TBL2: variants seen among roughly 807,000 people sequenced by gnomAD.
The protein encoded by TBL2 is transducin beta-like protein 2.
TBL2 carries 33 observed loss-of-function variants against 41.8 expected under a neutral mutation model. The ratio of observed to expected loss-of-function variants is 0.79; its 90% CI spans 0.60 to 1.06. The LOEUF (loss-of-function observed/expected upper bound fraction) is 1.06. Among genes scored for constraint, TBL2 ranks in the 50% least tolerant of loss-of-function variants. The pLI is 0.00. For synonymous variants in TBL2, 239 were observed against 241.7 expected, an observed-to-expected ratio of 0.99 and a Z score of 0.10; for missense variants, 522 against 603.8, an observed-to-expected ratio of 0.86 and a Z score of 1.42.
rs781949744 is a variant in TBL2, at chr7:73,570,841, A to G, written c.1010T>C (p.Leu337Pro). 1.2e-6 allele frequency: 2 copies of G among 1,613,882 alleles called. No individual in the cohort carries two copies. Among genetic ancestry groups the G allele is most frequent in the Non-Finnish European group, 1.7e-6 (2 of 1,180,046 alleles). ...EEAAGAAPCR[L>P]ALSPNAQVLA... is the part of the protein sequence containing the mutation. ...GACCTGGGCGTTGGGGGAGAGGGCC[A>G]GGCGGCACGGCGCGGCACCCGCCGC... The change falls in exon 7 of 7, where the codon CTG becomes CCG. Residue 337 changes from leucine to proline, a missense_variant. Physicochemically the swap from Leu to Pro is moderately conservative, Grantham distance 98. Transcript: ENST00000305632.
rs1422552814 is a variant in TBL2 at position 73,569,840 on chromosome 7, T to A, written c.*667A>T. ...CAGAAAACTTTGCCTTCCCAAGGAA[T>A]GTGTTTCTAATTTGGTTTCAAAGCA... On this transcript the variant is annotated 3_prime_UTR_variant, in exon 7 of 7. Transcript: ENST00000305632. 5.9e-5 allele frequency: 9 copies of A among 152,240 alleles called. No homozygotes were observed. The highest frequency in any genetic ancestry group is 2.2e-4 in the African/African-American group (9 of 41,460). The allele number at this position is 152,240 out of a possible 1,614,324, so 9.4% of individuals were successfully genotyped here. A position where few individuals can be genotyped will look rare whatever the true frequency, so the allele number is the denominator to read the frequency against.
At chr7:73,573,618 C>T in intron 3 of TBL2, 147 bp from the exon 4 acceptor site, 1 of 1,092,232 alleles carries the variant, frequency 9.2e-7, no homozygotes, top group South Asian at 1.6e-5. Context: ...TTCCAAATCT[C>T]ATAAAACTCC....
chr7:73,571,200 G>A lies in TBL2; in HGVS notation c.867C>T (p.Asn289=), dbSNP rs140511162. ...GCGGATTCACTCACCTCCGTGAGTCGTTGGAGAAAGCAAACGAGTGCACAG... is the reference window on the plus strand; with the variant it reads ...GCGGATTCACTCACCTCCGTGAGTCATTGGAGAAAGCAAACGAGTGCACAG... ...SAAVHSFAFS[N]DSRRMASVSK... The change falls in exon 6 of 7, where the codon AAC becomes AAT. Residue 289 remains asparagine (N), a synonymous_variant. Transcript: ENST00000305632. 1.1e-5 allele frequency: 17 copies of A among 1,614,116 alleles called. No homozygotes were observed. The East Asian group carries it at 1.8e-4, about 17-fold the overall frequency.
intron 1 of TBL2, chr7:73,574,803 C>A (rs1324314829): frequency 3.8e-5 from 19 of 506,072 alleles, no homozygotes; most frequent in Middle Eastern, 3.0e-4. Flanking sequence ...CAGAGCAAGA[C>A]CCTGTCTCAA....
Position 73,573,600 on chromosome 7 carries a change from G to A in TBL2, c.447-129C>T. On this transcript the variant is annotated intron_variant, in intron 3 of 6. Transcript: ENST00000305632. ...CCCACAGTCTAGCCTTAAAACTTAA[G>A]CCCCTGGTTCCAAATCTCATAAAAC... The A allele has an allele frequency of 6.3e-6, 8 of 1,261,430 alleles. No homozygotes were observed. In the South Asian group the frequency reaches 1.2e-4, roughly 19 times the overall value. 78.1% of individuals were successfully genotyped at this position (1,261,430 alleles called of 1,614,324 possible). A position where few individuals can be genotyped will look rare whatever the true frequency, so the allele number is the denominator to read the frequency against.
rs145933469 is a variant in TBL2 at position 73,574,474 on chromosome 7, C to A, written c.170G>T (p.Gly57Val). The A allele has an allele frequency of 3.1e-6, 5 of 1,614,178 alleles. No homozygotes were observed. In the African/African-American group the frequency reaches 5.3e-5, roughly 17 times the overall value. The change falls in exon 2 of 7, where the codon GGA (glycine) becomes GTA (valine). Residue 57 changes from glycine to valine, a missense_variant. By Grantham distance (109) the Gly-to-Val change is moderately radical (BLOSUM62 -3). Transcript: ENST00000305632. The stretch of plus-strand genomic sequence containing the variant: ...CTGATATTGTTTCTGCTTCTTGGAT[C>A]CCGAAGATTTGTCAGGTGGAAATCC... ...ANGFPPDKSS[G>V]SKKQKQYQRI... is the part of the protein sequence containing the mutation.
At chr7:73,575,558 G>A (rs1354416375) in intron 1 of TBL2, among the ~76,000 whole-genome samples, 1 of 152,182 alleles carries the variant, frequency 6.6e-6, no homozygotes, top group East Asian at 1.9e-4. Flanking sequence ...CTCCCAAAGT[G>A]CTAGGATTAC....
chr7:73,576,863 T>G, intron 1 of TBL2: 1 of 374,220 alleles, frequency 2.7e-6, no homozygotes, highest in Non-Finnish European at 5.3e-6. Context: ...CTTGGCCTTC[T>G]GGCAAACTCT....
In TBL2 at chr7:73,574,925, A is replaced by G. The variant is rs1436041261; in HGVS notation, c.131-412T>C. 42 of 343,944 alleles carry G rather than the reference A, an allele frequency of 1.2e-4. 1 individual carries two copies. The Admixed American group carries it at 1.7e-3, about 14-fold the overall frequency. 21.3% of individuals were successfully genotyped at this position (343,944 alleles called of 1,614,324 possible). ...TGAGGAGGCTGTTTACAGTAAGTCC[A>G]CAGAGCACCTTCATGTAGAGTGGAA... On this transcript the variant is annotated intron_variant, in intron 1 of 6. Coordinates refer to ENST00000305632, the MANE Select transcript of TBL2 (RefSeq NM_012453.4).
At chr7:73,574,156 G>T (rs782002944) in intron 2 of TBL2, 34 bp from the exon 3 acceptor site, 23 of 1,605,908 alleles carry the variant, frequency 1.4e-5, no homozygotes, top group Non-Finnish European at 1.9e-5. Context: ...GTCAATAGGA[G>T]CTCCTGGGGG....
At chr7:73,574,746 C>A in intron 1 of TBL2, 2 of 599,648 alleles carry the variant, frequency 3.3e-6, no homozygotes, top group South Asian at 3.6e-5. Flanking sequence ...GAGTTCGAGG[C>A]TGCAGTAAGC....
chr7:73,574,854 G>T, intron 1 of TBL2: 1 of 393,518 alleles, frequency 2.5e-6, no homozygotes, highest in Non-Finnish European at 4.9e-6. Context: ...AGAGGCTTTG[G>T]AATCAGACCT....
chr7:73,573,117 C>T (rs1793073502), intron 4 of TBL2, 147 bp from the exon 5 acceptor site: 2 of 1,392,424 alleles, frequency 1.4e-6, no homozygotes, highest in Admixed American at 2.2e-5. Flanking sequence ...CTGCTGAAGA[C>T]TGTGGCCCTT....
Position 73,571,256 on chromosome 7 carries a change from G to A in TBL2, c.811C>T (p.Arg271Ter), listed in dbSNP as rs1554587494. 3.7e-6 allele frequency: 6 copies of A among 1,614,166 alleles called. No homozygotes were observed. The highest frequency in any genetic ancestry group is 2.7e-5 in the African/African-American group (2 of 75,056). The change falls in exon 6 of 7, where the codon CGA becomes TGA. Residue 271 changes from arginine (R) to a stop codon, truncating the protein, a stop_gained. Transcript: ENST00000305632. LOFTEE classifies it high-confidence loss of function. ...GKKGEFQEVV[R>*]AFELKGHSAA... ...GAGTGGCCCTTTAGTTCGAAGGCTCGCACCACCTCCTGGAACTCCCCCTTC... is the reference window on the plus strand; with the variant it reads ...GAGTGGCCCTTTAGTTCGAAGGCTCACACCACCTCCTGGAACTCCCCCTTC...
Position 73,573,479 on chromosome 7 carries a change from C to A in TBL2, c.447-8G>T, listed in dbSNP as rs1446191605. 1.2e-6 allele frequency: 2 copies of A among 1,613,748 alleles called. No homozygotes were observed. Among genetic ancestry groups the A allele is most frequent in the Non-Finnish European group, 1.7e-6 (2 of 1,179,970 alleles). ...AGCCAGACGATGAAGGCTCTAGAGA[C>A]AGGCAGCAGACAAGTCACGCTCTCA... On this transcript the variant is annotated splice_polypyrimidine_tract_variant and splice_region_variant and intron_variant, in intron 3 of 6. Coordinates refer to ENST00000305632, the MANE Select transcript of TBL2 (RefSeq NM_012453.4).
intron 5 of TBL2, among the ~76,000 whole-genome samples, chr7:73,572,406 G>A (rs575931847): frequency 2.4e-4 from 37 of 152,180 alleles, no homozygotes; most frequent in African/African-American, 8.4e-4. Context: ...CTGTGATTGC[G>A]CCACTGCACT....
At chr7:73,572,575 C>T (rs782574876) in intron 5 of TBL2, among the ~76,000 whole-genome samples, 1 of 152,172 alleles carries the variant, frequency 6.6e-6, no homozygotes, top group Non-Finnish European at 1.5e-5. Flanking sequence ...GAGCTATGAT[C>T]GCACCACTGT....
rs1554588483 is a variant in TBL2 at position 73,574,437 on chromosome 7, C to T, written c.207G>A (p.Lys69=). The T allele has an allele frequency of 6.2e-7, 1 of 1,614,060 alleles. No individual in the cohort carries two copies. Among genetic ancestry groups the T allele is most frequent in the African/African-American group, 1.3e-5 (1 of 74,934 alleles). The change falls in exon 2 of 7, where the codon AAG becomes AAA. Residue 69 remains lysine (K), a synonymous_variant. Coordinates refer to ENST00000305632, the MANE Select transcript of TBL2 (RefSeq NM_012453.4). ...KKQKQYQRIR[K]EKPQQHNFTH... ...TGAAGTTGTGTTGTTGAGGCTTCTC[C>T]TTCCGAATCCGCTGATATTGTTTCT...
Position 73,570,797 on chromosome 7 carries a change from T to C in TBL2, c.1054A>G (p.Ser352Gly). Reference protein sequence around the residue: ...NAQVLALASGSSIHLYNTRRG... With the variant: ...NAQVLALASGGSIHLYNTRRG... Reference sequence around the variant, plus strand: ...CGGGTATTGTAGAGATGAATACTACTGCCACTGGCCAAGGCCAAGACCTGG... The same window carrying C: ...CGGGTATTGTAGAGATGAATACTACCGCCACTGGCCAAGGCCAAGACCTGG... The change falls in exon 7 of 7, where the codon AGT becomes GGT. Residue 352 changes from serine to glycine, a missense_variant. Ser to Gly is a moderately conservative substitution (Grantham distance 56, BLOSUM62 0). Transcript: ENST00000305632. The C allele has an allele frequency of 3.1e-6, 5 of 1,614,100 alleles. No homozygotes were observed. The highest frequency in any genetic ancestry group is 4.2e-6 in the Non-Finnish European group (5 of 1,180,042).
Sources: gnomAD v4.1 joint callset for allele counts (sites outside exome capture counted in the v4.1 genomes callset) on GRCh38, gnomAD v4.1.1 for gene constraint, MANE v1.5 for transcripts, NCBI Gene and HGNC (gene_info 2026-07-23, HGNC 2026-07-21) for gene names.